Variants in SATB2 observed in about 807,000 individuals in gnomAD.
SATB2 encodes the protein DNA-binding protein SATB2.
SATB2 carries 1 observed loss-of-function variant against 73.4 expected under a neutral mutation model. The ratio of observed to expected loss-of-function variants is 0.01; its 90% CI spans 0.00 to 0.06. SATB2 has a LOEUF of 0.06. Among genes scored for constraint, SATB2 ranks in the 10% least tolerant of loss-of-function variants. The pLI is 1.00. For missense variants in SATB2, 459 were observed against 945.8 expected, an observed-to-expected ratio of 0.49 and a Z score of 6.75; for synonymous variants, 397 against 367.0, an observed-to-expected ratio of 1.08 and a Z score of -0.93.
At chr2:199,309,863 G>A (rs912724617) in intron 9 of SATB2, among the ~76,000 whole-genome samples, 5 of 152,106 alleles carry the variant, frequency 3.3e-5, no homozygotes, top group Admixed American at 3.3e-4. Context: ...GCATAAACAC[G>A]AATGACTTTG....
intron 7 of SATB2, among the ~76,000 whole-genome samples, chr2:199,341,006 T>G (rs1487299596): frequency 1.3e-5 from 2 of 152,234 alleles, no homozygotes; most frequent in Non-Finnish European, 2.9e-5. Flanking sequence ...ACATATTTTA[T>G]GAAATCATGC....
rs184128673 is a variant in SATB2, at chr2:199,410,685, T to G, written c.346+22653A>C. Among the ~76,000 whole-genome samples the G allele has an allele frequency of 7.9e-5, 12 of 152,336 alleles. No individual in the cohort carries two copies. In the East Asian group the frequency reaches 2.3e-3, roughly 29 times the overall value. ...TAGATTGCAGTTCAAGAAGAATGAATGCTCCATTATTTTAACAGTCTGCTC... is the reference window on the plus strand; with the variant it reads ...TAGATTGCAGTTCAAGAAGAATGAAGGCTCCATTATTTTAACAGTCTGCTC... On this transcript the variant is annotated intron_variant, in intron 3 of 10. Transcript: ENST00000417098.
At chr2:199,394,114 C>T (rs1057278391) in intron 3 of SATB2, among the ~76,000 whole-genome samples, 4 of 152,124 alleles carry the variant, frequency 2.6e-5, no homozygotes, top group Admixed American at 2.0e-4. Flanking sequence ...CATTAGGACA[C>T]GATACTCTCA....
chr2:199,441,502 A>G (rs1415072458), intron 2 of SATB2, among the ~76,000 whole-genome samples: 1 of 152,224 alleles, frequency 6.6e-6, no homozygotes, highest in Non-Finnish European at 1.5e-5. Context: ...AATGGGGTTG[A>G]GAATGATATC....
At chr2:199,311,453 A>G (rs1174997292) in intron 9 of SATB2, among the ~76,000 whole-genome samples, 1 of 152,140 alleles carries the variant, frequency 6.6e-6, no homozygotes, top group Non-Finnish European at 1.5e-5. Flanking sequence ...CTCAGTAATT[A>G]GCTTATGAAT....
rs373557630 is a variant in SATB2, at chr2:199,420,307, G to C, written c.346+13031C>G. ...CACATAGTAAGCTCTATGTTTCCTA[G>C]CATTATCATTAGCAACAATACCCAT... On this transcript the variant is annotated intron_variant, in intron 3 of 10. Coordinates refer to ENST00000417098, the MANE Select transcript of SATB2 (RefSeq NM_001172509.2). 9.9e-4 allele frequency among the ~76,000 whole-genome samples: 150 copies of C among 152,242 alleles called. 6 individuals carry two copies. In the South Asian group the frequency reaches 0.028, roughly 28 times the overall value.
chr2:199,400,989 C>T (rs1451998388), intron 3 of SATB2, among the ~76,000 whole-genome samples: 1 of 152,158 alleles, frequency 6.6e-6, no homozygotes, highest in Admixed American at 6.6e-5. Context: ...GTAGGCCTGA[C>T]TCAACTAATT....
Position 199,370,080 on chromosome 2 carries a change from T to C in SATB2, c.598-1373A>G, listed in dbSNP as rs1251026970. Among the ~76,000 whole-genome samples, 8 of 152,284 alleles carry C rather than the reference T, an allele frequency of 5.3e-5. No individual in the cohort carries two copies. In the East Asian group the frequency reaches 1.2e-3, roughly 22 times the overall value. On this transcript the variant is annotated intron_variant, in intron 5 of 10. Transcript: ENST00000417098. ...CTATGAGGCCTTGTCTCCTGCCTTA[T>C]AGGATGACCACTGGAATCCTAATCT...
intron 10 of SATB2, among the ~76,000 whole-genome samples, chr2:199,289,808 T>A (rs1471762341): frequency 3.3e-5 from 5 of 152,136 alleles, no homozygotes; most frequent in Non-Finnish European, 7.4e-5. Context: ...AAACTCCACA[T>A]CTAGTTGATC....
At chr2:199,324,911 C>T (rs1481574735) in intron 8 of SATB2, among the ~76,000 whole-genome samples, 1 of 152,076 alleles carries the variant, frequency 6.6e-6, no homozygotes, top group African/African-American at 2.4e-5. Context: ...TCTCTTTGTC[C>T]CCATTCACCC....
At chr2:199,418,175 G>A (rs984081573) in intron 3 of SATB2, among the ~76,000 whole-genome samples, 3 of 152,132 alleles carry the variant, frequency 2.0e-5, no homozygotes, top group African/African-American at 7.2e-5. Flanking sequence ...CTACAAGGGG[G>A]AATTATAATT....
chr2:199,361,758 T>TATCAACATTTGGTGTCAC (rs1689144188), intron 6 of SATB2, among the ~76,000 whole-genome samples: 1 of 137,070 alleles, frequency 7.3e-6, no homozygotes. Context: ...CAACCATTTC[T>TATCAACATTTGGTGTCAC]TTTTTTTTTT....
At chr2:199,404,706 A>T (rs1212288380) in intron 3 of SATB2, among the ~76,000 whole-genome samples, 1 of 152,232 alleles carries the variant, frequency 6.6e-6, no homozygotes, top group Non-Finnish European at 1.5e-5. Context: ...AAAATCACAC[A>T]GATCACAAAT....
upstream of SATB2, chr2:199,458,266 A>T: frequency 4.5e-6 from 1 of 224,076 alleles, no homozygotes; most frequent in South Asian, 4.2e-5. Flanking sequence ...GAAATTAAAC[A>T]TCAATCAATC....
At chr2:199,293,029 G>C (rs960215098) in intron 10 of SATB2, among the ~76,000 whole-genome samples, 2 of 152,194 alleles carry the variant, frequency 1.3e-5, no homozygotes, top group Non-Finnish European at 2.9e-5. Flanking sequence ...AGCCTTAGGG[G>C]AATTAATCTC....
upstream of SATB2, among the ~76,000 whole-genome samples, chr2:199,462,308 C>T (rs1202126187): frequency 6.6e-6 from 1 of 152,276 alleles, no homozygotes; most frequent in East Asian, 1.9e-4. This position sits in a 1 kb window ranked among gnomAD's most constrained non-coding sequence, Gnocchi z 5.9. Context: ...GAAGCCCACG[C>T]CAGCTCTGAA....
At chr2:199,333,419 G>GT (rs1688246246) in intron 7 of SATB2, among the ~76,000 whole-genome samples, 1 of 152,034 alleles carries the variant, frequency 6.6e-6, no homozygotes, top group Non-Finnish European at 1.5e-5. Context: ...ATTGGAAGAG[G>GT]TAAGACTTAA....
At chr2:199,388,278 C>T (rs1690019763) in intron 3 of SATB2, among the ~76,000 whole-genome samples, 1 of 152,114 alleles carries the variant, frequency 6.6e-6, no homozygotes, top group African/African-American at 2.4e-5. Context: ...TATACTGTCC[C>T]TGTAATTATG....
chr2:199,282,350 ATTC>A (rs561542841), intron 10 of SATB2, among the ~76,000 whole-genome samples: 336 of 152,268 alleles, frequency 2.2e-3, no homozygotes, highest in Non-Finnish European at 3.7e-3. Flanking sequence ...TAGGGATATA[ATTC>A]TTTTCTGTGT....
Sources: gnomAD v4.1 joint callset for allele counts (sites outside exome capture counted in the v4.1 genomes callset) on GRCh38, gnomAD v4.1.1 for gene constraint, Gnocchi (gnomAD v3.1) non-coding constraint, MANE v1.5 for transcripts, NCBI Gene and HGNC (gene_info 2026-07-23, HGNC 2026-07-21) for gene names.